The following GATA6 variants were observed in gnomAD, a reference collection of about 807,000 sequenced individuals.
GATA6 encodes the protein transcription factor GATA-6.
GATA6 carries 11 observed loss-of-function variants against 48.1 expected under a neutral mutation model. The ratio of observed to expected loss-of-function variants is 0.23; its 90% CI spans 0.14 to 0.38. The LOEUF is 0.38. GATA6 is among the 10% of genes least tolerant of loss of function. GATA6 has a pLI of 1.00. For synonymous variants in GATA6, 419 were observed against 396.1 expected (o/e 1.06, Z -0.69); for missense variants, 795 against 850.3 (o/e 0.93, Z 0.81).
rs775374335 is a variant in GATA6, at chr18:22,177,952, G to GTTTTTTTTTTTT, written c.1302+846_1302+857dup. ...TTCGCACACGTTTTACTGTTTTTTT[G>GTTTTTTTTTTTT]TTTTTTTTTTTTTTTTTTTTTTTTT... On this transcript the variant is annotated intron_variant, in intron 3 of 6. Coordinates refer to ENST00000269216, the MANE Select transcript of GATA6 (RefSeq NM_005257.6). Among the ~76,000 whole-genome samples, 18 of 80,458 alleles carry GTTTTTTTTTTTT rather than the reference G, an allele frequency of 2.2e-4. 1 individual carries two copies. The highest frequency in any genetic ancestry group is 2.6e-4 in the Non-Finnish European group (10 of 39,194). 52.8% of individuals were successfully genotyped at this position (80,458 alleles called of 152,430 possible).
chr18:22,181,493 A>G lies in GATA6; in HGVS notation c.1343A>G (p.His448Arg), dbSNP rs1380534258. 1 of 1,614,182 alleles carries G rather than the reference A, an allele frequency of 6.2e-7. No individual in the cohort carries two copies. The highest frequency in any genetic ancestry group is 1.1e-5 in the South Asian group (1 of 91,078). The change falls in exon 4 of 7, where the codon CAC (histidine) becomes CGC (arginine). Residue 448 changes from histidine (H) to arginine (R), a missense_variant. Transcript: ENST00000269216. ...RRLGLSCANC[H>R]TTTTTLWRRN... ...CTTGGATTGTCCTGTGCCAACTGTC[A>G]CACCACAACTACCACCTTATGGCGC...
At chr18:22,194,717 C>G (rs991612341) in intron 6 of GATA6, among the ~76,000 whole-genome samples, 2 of 151,362 alleles carry the variant, frequency 1.3e-5, no homozygotes, top group African/African-American at 4.9e-5. Context: ...CCGCCCCCCC[C>G]TCCCAACACA....
intron 6 of GATA6, 149 bp from the exon 7 acceptor site, chr18:22,200,507 G>A (rs1028822426): frequency 1.0e-6 from 1 of 967,910 alleles, no homozygotes; most frequent in Non-Finnish European, 1.7e-6. Context: ...TAGTAACGCC[G>A]GCTTCATTTC....
At chr18:22,189,967 C>T (rs1023864678) in intron 6 of GATA6, among the ~76,000 whole-genome samples, 5 of 152,102 alleles carry the variant, frequency 3.3e-5, no homozygotes, top group Admixed American at 2.6e-4. Context: ...TCACGTTGGC[C>T]GCAGGTCTGG....
chr18:22,182,767 C>T lies in GATA6; in HGVS notation c.1439C>T (p.Pro480Leu). The part of the protein sequence containing the change: ...LYMKLHGVPR[P>L]LAMKKEGIQT... ...GTGAAAATTTTTTAGGTGCCCAGAC[C>T]ACTTGCTATGAAAAAAGAGGGAATT... The change falls in exon 5 of 7, where the codon CCA becomes CTA. Residue 480 changes from proline to leucine, a missense_variant. By Grantham distance (98) the Pro-to-Leu change is moderately conservative. Transcript: ENST00000269216. 1 of 1,613,520 alleles carries T rather than the reference C, an allele frequency of 6.2e-7. No individual in the cohort carries two copies. Among genetic ancestry groups the T allele is most frequent in the Non-Finnish European group, 8.5e-7 (1 of 1,179,682 alleles).
rs2033058989 is a variant in GATA6, at chr18:22,172,046, C to A, written c.902C>A (p.Ala301Glu). 6 of 1,263,768 alleles carry A rather than the reference C, an allele frequency of 4.7e-6. No individual in the cohort carries two copies. The highest frequency in any genetic ancestry group is 3.1e-5 in the South Asian group (1 of 32,468). 78.3% of individuals were successfully genotyped at this position (1,263,768 alleles called of 1,614,324 possible). A position where few individuals can be genotyped will look rare whatever the true frequency, so the allele number is the denominator to read the frequency against. ...GTGAGCGGCGGCGGCAGTAGCCTGG[C>A]GGCCATGGGCGGCCGCGAGCCCCAG... Reference protein sequence around the residue: ...GGVSGGGSSLAAMGGREPQYS... With the variant: ...GGVSGGGSSLEAMGGREPQYS... Residue 301 changes from alanine to glutamate, a missense_variant, in exon 2 of 7, where the codon GCG becomes GAG. This residue lies in a region of GATA6 where 591 missense variants were observed against 570.0 expected (regional missense o/e 1.04). Transcript: ENST00000269216. This position sits in a 1 kb window ranked among gnomAD's most constrained non-coding sequence, Gnocchi z 5.2.
Position 22,191,451 on chromosome 18 carries a change from T to A in GATA6, c.1620+8408T>A, listed in dbSNP as rs60001723. ...GGAAAACATGGCCAAATTTAAGAAA[T>A]CTGGCTTAGATTGCTCTGAAAGGTT... On this transcript the variant is annotated intron_variant, in intron 6 of 6. Transcript: ENST00000269216. 1.9e-3 allele frequency among the ~76,000 whole-genome samples: 253 copies of A among 134,018 alleles called. 1 individual carries two copies. The highest frequency in any genetic ancestry group is 7.1e-3 in the African/African-American group (250 of 35,330). The allele number at this position is 134,018 out of a possible 152,430, so 87.9% of individuals were successfully genotyped here. A position where few individuals can be genotyped will look rare whatever the true frequency, so the allele number is the denominator to read the frequency against.
At position 22,185,877 on chromosome 18, in the gene GATA6, T is replaced by G. The variant is rs2143310953; in HGVS notation, c.1620+2834T>G. Among the ~76,000 whole-genome samples the G allele has an allele frequency of 6.6e-6, 1 of 152,288 alleles. No homozygotes were observed. Among genetic ancestry groups the G allele is most frequent in the Admixed American group, 6.5e-5 (1 of 15,302 alleles). On this transcript the variant is annotated intron_variant, in intron 6 of 6. Transcript: ENST00000269216. The surrounding 1 kb of genome is among the most constrained non-coding windows in gnomAD (Gnocchi z 4.3). ...GGCCCATGTGGCTGCCGAGTAGCTG[T>G]GAAGAGTCTGCTGGAGGAGCCATCT... is the stretch of plus-strand genomic sequence containing the variant.
At chr18:22,199,310 C>T (rs2033428099) in intron 6 of GATA6, among the ~76,000 whole-genome samples, 1 of 152,122 alleles carries the variant, frequency 6.6e-6, no homozygotes, top group African/African-American at 2.4e-5. Context: ...GAAAAGTACA[C>T]AATGTCCTAC....
chr18:22,191,389 TA>T (rs899547820), intron 6 of GATA6, among the ~76,000 whole-genome samples: 1 of 59,630 alleles, frequency 1.7e-5, no homozygotes, highest in Non-Finnish European at 3.0e-5. Flanking sequence ...TCTATAAGAA[TA>T]TACAAAATTG....
chr18:22,171,961 A>G lies in GATA6; in HGVS notation c.817A>G (p.Asn273Asp). 2.5e-6 allele frequency: 3 copies of G among 1,203,978 alleles called. No individual in the cohort carries two copies. The highest frequency in any genetic ancestry group is 3.1e-6 in the Non-Finnish European group (3 of 970,768). The allele number at this position is 1,203,978 out of a possible 1,614,324, so 74.6% of individuals were successfully genotyped here. A position where few individuals can be genotyped will look rare whatever the true frequency, so the allele number is the denominator to read the frequency against. Reference protein sequence around the residue: ...FPYSPSPPMANGAAREPGGYA... With the variant: ...FPYSPSPPMADGAAREPGGYA... ...CTACTCTCCCAGCCCGCCCATGGCCAACGGCGCCGCGCGGGAGCCGGGAGG... is the reference window on the plus strand; with the variant it reads ...CTACTCTCCCAGCCCGCCCATGGCCGACGGCGCCGCGCGGGAGCCGGGAGG... The change falls in exon 2 of 7, where the codon AAC (asparagine) becomes GAC (aspartate). Residue 273 changes from asparagine (N) to aspartate (D), a missense_variant. Coordinates refer to ENST00000269216, the MANE Select transcript of GATA6 (RefSeq NM_005257.6). The surrounding 1 kb of genome is among the most constrained non-coding windows in gnomAD (Gnocchi z 7.1).
rs1156298389 is a variant in GATA6, at chr18:22,201,774, T to A, written c.*951T>A. On this transcript the variant is annotated 3_prime_UTR_variant, in exon 7 of 7. Coordinates refer to ENST00000269216, the MANE Select transcript of GATA6 (RefSeq NM_005257.6). Reference sequence around the variant, plus strand: ...CTTTATTTTACTGTGGAATATGTGCTGGAAAAATTGCAACAACACTTTACT... The same window carrying A: ...CTTTATTTTACTGTGGAATATGTGCAGGAAAAATTGCAACAACACTTTACT... 2.6e-5 allele frequency: 4 copies of A among 152,654 alleles called. No individual in the cohort carries two copies. Among genetic ancestry groups the A allele is most frequent in the Non-Finnish European group, 5.9e-5 (4 of 68,034 alleles). 9.5% of individuals were successfully genotyped at this position (152,654 alleles called of 1,614,324 possible). A position where few individuals can be genotyped will look rare whatever the true frequency, so the allele number is the denominator to read the frequency against.
chr18:22,176,968 C>T lies in GATA6; in HGVS notation c.1149C>T (p.Asp383=), dbSNP rs1243909875. ...PRGPSADLLE[D]LSESRECVNC... is the part of the protein sequence containing the mutation. ...CTGTCGCCGCAGACCTGCTGGAGGA[C>T]CTGTCCGAGAGCCGCGAGTGCGTGA... The change falls in exon 3 of 7, where the codon GAC becomes GAT. Residue 383 remains aspartate, a synonymous_variant. Coordinates refer to ENST00000269216, the MANE Select transcript of GATA6 (RefSeq NM_005257.6). 1 of 1,559,890 alleles carries T rather than the reference C, an allele frequency of 6.4e-7. No individual in the cohort carries two copies. The highest frequency in any genetic ancestry group is 8.7e-7 in the Non-Finnish European group (1 of 1,155,792).
At position 22,183,043 on chromosome 18, in the gene GATA6, G is replaced by C. The variant is rs1362837868; in HGVS notation, c.1620G>C (p.Gly540=). ...CCACAACACAACCTACAGCCTCAGG[G>C]GTAAGTATTAAAACAGCATAGACTC... ...TSPTTQPTAS[G]AGAPVMTGAG... Residue 540 remains glycine, a splice_region_variant and synonymous_variant, in exon 6 of 7, where the codon GGG becomes GGC. Transcript: ENST00000269216. The C allele has an allele frequency of 6.2e-7, 1 of 1,607,884 alleles. No homozygotes were observed. Among genetic ancestry groups the C allele is most frequent in the Non-Finnish European group, 8.5e-7 (1 of 1,174,522 alleles).
Position 22,171,978 on chromosome 18 carries a change from G to A in GATA6, c.834G>A (p.Glu278=). 1 of 1,217,778 alleles carries A rather than the reference G, an allele frequency of 8.2e-7. No homozygotes were observed. The highest frequency in any genetic ancestry group is 1.0e-6 in the Non-Finnish European group (1 of 979,900). The allele number at this position is 1,217,778 out of a possible 1,614,324, so 75.4% of individuals were successfully genotyped here. The change falls in exon 2 of 7, where the codon GAG becomes GAA. Residue 278 remains glutamate, a synonymous_variant. Transcript: ENST00000269216. The surrounding 1 kb of genome is among the most constrained non-coding windows in gnomAD (Gnocchi z 7.1). ...SPPMANGAAR[E]PGGYAAAGSG... Reference sequence around the variant, plus strand: ...CCATGGCCAACGGCGCCGCGCGGGAGCCGGGAGGCTACGCGGCGGCGGGCA... The same window carrying A: ...CCATGGCCAACGGCGCCGCGCGGGAACCGGGAGGCTACGCGGCGGCGGGCA...
Position 22,182,978 on chromosome 18 carries a change from A to G in GATA6, c.1555A>G (p.Thr519Ala), listed in dbSNP as rs780615005. 22 of 1,613,914 alleles carry G rather than the reference A, an allele frequency of 1.4e-5. No homozygotes were observed. The highest frequency in any genetic ancestry group is 3.3e-5 in the Admixed American group (2 of 59,988). Residue 519 changes from threonine to alanine, a missense_variant, in exon 6 of 7, where the codon ACC (threonine) becomes GCC (alanine). This residue lies in a region of GATA6 where 103 missense variants were observed against 103.7 expected (regional missense o/e 0.99). Coordinates refer to ENST00000269216, the MANE Select transcript of GATA6 (RefSeq NM_005257.6). Reference sequence around the variant, plus strand: ...TTCCATTCCCATGACTCCAACTTCCACCTCTTCTAACTCAGATGATTGCAG... The same window carrying G: ...TTCCATTCCCATGACTCCAACTTCCGCCTCTTCTAACTCAGATGATTGCAG... ...NNSIPMTPTS[T>A]SSNSDDCSKN...
chr18:22,190,152 A>G (rs1260598431), intron 6 of GATA6, among the ~76,000 whole-genome samples: 1 of 152,258 alleles, frequency 6.6e-6, no homozygotes, highest in Non-Finnish European at 1.5e-5. Context: ...GAAAACTGTG[A>G]GAAGTTATTT....
chr18:22,171,322 T>C lies in GATA6; in HGVS notation c.178T>C (p.Cys60Arg). 1 of 1,588,524 alleles carries C rather than the reference T, an allele frequency of 6.3e-7. No individual in the cohort carries two copies. Among genetic ancestry groups the C allele is most frequent in the South Asian group, 1.1e-5 (1 of 90,060 alleles). ...GCGGGGCCCCGGCGGCGCCAGCAAC[T>C]GCGGGACGCCTCAGCTCGACACGGA... ...GERGPGGASN[C>R]GTPQLDTEAA... The change falls in exon 2 of 7, where the codon TGC (cysteine) becomes CGC (arginine). Residue 60 changes from cysteine to arginine, a missense_variant. Cys to Arg is a radical substitution (Grantham distance 180). Transcript: ENST00000269216. The surrounding 1 kb of genome is among the most constrained non-coding windows in gnomAD (Gnocchi z 7.1).
At position 22,171,799 on chromosome 18, in the gene GATA6, GC is replaced by G; in HGVS notation, c.656del (p.Ala219GlyfsTer75). The part of the protein sequence containing the change: ...GSGPANHAGG[A>X]GAHPGWPQAS... ...TGGGCCAGCCAACCACGCGGGCGGC[GC>G]GGGCGCGCACCCCGGCTGGCCTCAG... On this transcript the variant is annotated frameshift_variant, in exon 2 of 7. Coordinates refer to ENST00000269216, the MANE Select transcript of GATA6 (RefSeq NM_005257.6). LOFTEE classifies it high-confidence loss of function. This position sits in a 1 kb window ranked among gnomAD's most constrained non-coding sequence, Gnocchi z 7.1. The G allele has an allele frequency of 1.5e-6, 2 of 1,302,680 alleles. No homozygotes were observed. Among genetic ancestry groups the G allele is most frequent in the South Asian group, 2.4e-5 (1 of 42,194 alleles). 80.7% of individuals were successfully genotyped at this position (1,302,680 alleles called of 1,614,324 possible).
Sources: allele counts gnomAD v4.1 joint callset (sites outside exome capture counted in the v4.1 genomes callset), GRCh38; gene constraint gnomAD v4.1.1; regional missense constraint gnomAD v4.1.1; non-coding constraint Gnocchi (gnomAD v3.1); transcripts MANE v1.5; gene names NCBI Gene and HGNC (gene_info 2026-07-23, HGNC 2026-07-21).